Variants in CATSPERT observed in about 807,000 individuals in gnomAD.
CATSPERT encodes cation channel sperm-associated targeting subunit tau.
the CATSPERT span, among the ~76,000 whole-genome samples, chr2:201,595,547 C>T: frequency 3.3e-5 from 5 of 152,070 alleles, no homozygotes; most frequent in African/African-American, 7.2e-5. Context: ...AGTACTCGGC[C>T]GTGTGAGGTG....
At chr2:201,565,137 A>G in the CATSPERT span, among the ~76,000 whole-genome samples, 2 of 152,104 alleles carry the variant, frequency 1.3e-5, no homozygotes, top group East Asian at 3.9e-4. Context: ...CCTACGAAAT[A>G]CACTGGTGAA....
At chr2:201,617,205 T>A in the CATSPERT span, among the ~76,000 whole-genome samples, 3 of 151,996 alleles carry the variant, frequency 2.0e-5, no homozygotes, top group South Asian at 6.2e-4. Flanking sequence ...TTGGAAAAAA[T>A]ACTTTAAAGT....
chr2:201,619,135 C>G, the CATSPERT span: 2 of 1,613,940 alleles, frequency 1.2e-6, no homozygotes, highest in Non-Finnish European at 1.7e-6. Flanking sequence ...CTCCATCTCT[C>G]CATCTTCTGC....
chr2:201,605,128 A>C, the CATSPERT span, among the ~76,000 whole-genome samples: 3 of 151,966 alleles, frequency 2.0e-5, no homozygotes, highest in Non-Finnish European at 4.4e-5. Flanking sequence ...ACACATATAC[A>C]TGCACATGCA....
the CATSPERT span, chr2:201,575,465 G>T: frequency 2.2e-6 from 1 of 460,870 alleles, no homozygotes; most frequent in South Asian, 7.6e-5. Context: ...TGCACAGCAG[G>T]AAATGAGTGG....
At chr2:201,616,261 G>T in the CATSPERT span, among the ~76,000 whole-genome samples, 1 of 152,116 alleles carries the variant, frequency 6.6e-6, no homozygotes, top group African/African-American at 2.4e-5. Flanking sequence ...CAAAAACAGA[G>T]AATTTTAGAC....
At chr2:201,566,435 T>C in the CATSPERT span, among the ~76,000 whole-genome samples, 1 of 143,460 alleles carries the variant, frequency 7.0e-6, no homozygotes, top group Admixed American at 7.5e-5. Flanking sequence ...AATTCCCACC[T>C]ATGAGTGACA....
chr2:201,530,961 G>GTTTTTTTTTTTTTTTTTTTTTTT, the CATSPERT span, among the ~76,000 whole-genome samples: 2 of 106,042 alleles, frequency 1.9e-5, no homozygotes, highest in Non-Finnish European at 3.7e-5. Flanking sequence ...TTTTTTGTGG[G>GTTTTTTTTTTTTTTTTTTTTTTT]TTTTTTTTTT....
the CATSPERT span, among the ~76,000 whole-genome samples, chr2:201,581,433 C>CATATATAT: frequency 4.3e-4 from 33 of 77,160 alleles, no homozygotes; most frequent in African/African-American, 1.6e-3. Context: ...TACTTAATTT[C>CATATATAT]ATATATATAT....
chr2:201,601,603 C>G, the CATSPERT span: 2 of 769,042 alleles, frequency 2.6e-6, no homozygotes, highest in South Asian at 4.1e-5. Flanking sequence ...AAATAGAATA[C>G]TGTAAGATAC....
At chr2:201,501,395 CAAAAAAAAAA>C in the CATSPERT span, among the ~76,000 whole-genome samples, 2 of 46,602 alleles carry the variant, frequency 4.3e-5, no homozygotes, top group Admixed American at 5.9e-4. Flanking sequence ...AACTCCATCT[CAAAAAAAAAA>C]AAAAAAAAAA....
At chr2:201,581,524 A>ATATG in the CATSPERT span, among the ~76,000 whole-genome samples, 1 of 81,594 alleles carries the variant, frequency 1.2e-5, no homozygotes, top group African/African-American at 6.0e-5. Context: ...ATATATATAT[A>ATATG]AAATATTCTG....
chr2:201,582,179 T>C, the CATSPERT span: 5 of 1,607,410 alleles, frequency 3.1e-6, no homozygotes, highest in Non-Finnish European at 4.2e-6. Flanking sequence ...TGAGTTCCAA[T>C]AAAATATTAT....
the CATSPERT span, among the ~76,000 whole-genome samples, chr2:201,502,339 C>T: frequency 8.6e-5 from 13 of 151,940 alleles, no homozygotes; most frequent in South Asian, 4.2e-4. Flanking sequence ...TTTGGGAGGC[C>T]GACATGGGAG....
the CATSPERT span, among the ~76,000 whole-genome samples, chr2:201,612,822 G>A: frequency 2.6e-5 from 4 of 152,128 alleles, no homozygotes; most frequent in South Asian, 2.1e-4. Context: ...TGTGACAGAC[G>A]GCACCTGGAA....
chr2:201,616,456 C>T, the CATSPERT span, among the ~76,000 whole-genome samples: 1 of 152,162 alleles, frequency 6.6e-6, no homozygotes, highest in South Asian at 2.1e-4. Flanking sequence ...AAGACAAAAA[C>T]CACATGATTA....
chr2:201,541,360 G>A, the CATSPERT span, among the ~76,000 whole-genome samples: 23 of 151,722 alleles, frequency 1.5e-4, no homozygotes, highest in South Asian at 2.5e-3. Flanking sequence ...AATCCTTCAT[G>A]AAAGGAAGAG....
the CATSPERT span, among the ~76,000 whole-genome samples, chr2:201,489,442 G>A: frequency 4.6e-5 from 7 of 152,020 alleles, no homozygotes; most frequent in East Asian, 1.9e-4. Context: ...CTAAGTTTCC[G>A]AATTTAGATA....
At chr2:201,520,966 G>A in the CATSPERT span, among the ~76,000 whole-genome samples, 1 of 151,072 alleles carries the variant, frequency 6.6e-6, no homozygotes, top group South Asian at 2.1e-4. Flanking sequence ...AGACTACCAT[G>A]AACAAGAATA....
Sources: allele counts gnomAD v4.1 joint callset (sites outside exome capture counted in the v4.1 genomes callset), GRCh38; gene constraint gnomAD v4.1.1; transcripts MANE v1.5; gene names NCBI Gene and HGNC (gene_info 2026-07-23, HGNC 2026-07-21).